Variants in TOM1L2 observed in about 807,000 individuals in gnomAD.
TOM1L2 encodes TOM1-like protein 2.
A neutral mutation model predicts 67.9 loss-of-function variants in TOM1L2; 31 were observed. That is an observed-to-expected ratio of 0.46 (90% CI 0.34 to 0.62). The LOEUF (loss-of-function observed/expected upper bound fraction) is 0.62, where lower values mean the gene tolerates loss of function less well. TOM1L2 is among the 20% of genes least tolerant of loss of function. The pLI is 0.01. For missense variants in TOM1L2, 606 were observed against 663.5 expected (o/e 0.91, Z 0.95); for synonymous variants, 256 against 254.0 (o/e 1.01, Z -0.07).
At chr17:17,899,284 G>A (rs1001441452) in intron 2 of TOM1L2, among the ~76,000 whole-genome samples, 8 of 152,154 alleles carry the variant, frequency 5.3e-5, no homozygotes, top group African/African-American at 1.4e-4. Flanking sequence ...CTGGATGCCC[G>A]GCTCTTCCTG....
Position 17,929,284 on chromosome 17 carries a change from G to A in TOM1L2, c.53-21753C>T, listed in dbSNP as rs192270195. Reference sequence around the variant, plus strand: ...GTCTGAATGTTTCTCCATCTCTTCTGCTTAGAGCTGCTTTGAGCAGCAGGC... The same window carrying A: ...GTCTGAATGTTTCTCCATCTCTTCTACTTAGAGCTGCTTTGAGCAGCAGGC... On this transcript the variant is annotated intron_variant, in intron 1 of 14. Transcript: ENST00000379504. 1.0e-3 allele frequency among the ~76,000 whole-genome samples: 154 copies of A among 152,296 alleles called. 1 individual carries two copies. The highest frequency in any genetic ancestry group is 3.5e-3 in the African/African-American group (144 of 41,570).
At chr17:17,883,268 T>C (rs554374172) in intron 5 of TOM1L2, among the ~76,000 whole-genome samples, 22 of 152,396 alleles carry the variant, frequency 1.4e-4, no homozygotes, top group Admixed American at 1.0e-3. Flanking sequence ...TTTTGGTCTT[T>C]ACAAGTAGAC....
chr17:17,917,831 T>A (rs1034567853), intron 1 of TOM1L2, among the ~76,000 whole-genome samples: 6 of 151,948 alleles, frequency 3.9e-5, no homozygotes, highest in African/African-American at 1.5e-4. Flanking sequence ...GGCTTACACC[T>A]GTCATTTCAT....
At chr17:17,885,924 CAAAAA>C (rs35579807) in intron 4 of TOM1L2, among the ~76,000 whole-genome samples, 2 of 66,242 alleles carry the variant, frequency 3.0e-5, no homozygotes, top group Admixed American at 1.8e-4. Flanking sequence ...GACTCCGTCT[CAAAAA>C]AAAAAAAAAA....
intron 1 of TOM1L2, among the ~76,000 whole-genome samples, chr17:17,926,089 T>A (rs71367425): frequency 0.029 from 4,383 of 151,552 alleles, 108 homozygotes; most frequent in Non-Finnish European, 0.046. Context: ...GAGGATCACT[T>A]GAGCACAGGA....
At chr17:17,919,955 A>G (rs1308670403) in intron 1 of TOM1L2, among the ~76,000 whole-genome samples, 3 of 152,274 alleles carry the variant, frequency 2.0e-5, no homozygotes, top group East Asian at 1.9e-4. Flanking sequence ...GGAGGTAGCA[A>G]TACTGCCAAC....
At chr17:17,966,399 A>T (rs562626631) in intron 1 of TOM1L2, among the ~76,000 whole-genome samples, 1 of 152,346 alleles carries the variant, frequency 6.6e-6, no homozygotes, top group Non-Finnish European at 1.5e-5. Context: ...TAATGTTTGA[A>T]GAAAGATAAA....
At chr17:17,862,477 C>A in intron 11 of TOM1L2, 1 of 408,626 alleles carries the variant, frequency 2.4e-6, no homozygotes, top group Non-Finnish European at 4.4e-6. Flanking sequence ...TCTCTTACAA[C>A]TGACAGGAGA....
At chr17:17,850,796 G>T in intron 13 of TOM1L2, 97 bp downstream of exon 13, 1 of 1,321,494 alleles carries the variant, frequency 7.6e-7, no homozygotes, top group South Asian at 1.2e-5. Flanking sequence ...GACCCAGACA[G>T]GGGTGGAGCC....
At chr17:17,893,412 C>T (rs576048505) in intron 4 of TOM1L2, among the ~76,000 whole-genome samples, 2 of 152,334 alleles carry the variant, frequency 1.3e-5, no homozygotes, top group Admixed American at 1.3e-4. Flanking sequence ...CCCTACCTGC[C>T]TTTGTGAGCA....
intron 1 of TOM1L2, among the ~76,000 whole-genome samples, chr17:17,966,627 A>C (rs774127424): frequency 7.9e-5 from 12 of 152,216 alleles, no homozygotes; most frequent in Non-Finnish European, 1.8e-4. Context: ...AAAAAGTAAC[A>C]TAAATGGCAG....
At chr17:17,949,309 C>T (rs114741730) in intron 1 of TOM1L2, among the ~76,000 whole-genome samples, 7 of 152,262 alleles carry the variant, frequency 4.6e-5, no homozygotes, top group Admixed American at 1.3e-4. Context: ...ACATCTAGCA[C>T]GGCAGAGCAT....
At chr17:17,851,160 T>C (rs1364797355) in intron 12 of TOM1L2, 4 of 581,920 alleles carry the variant, frequency 6.9e-6, no homozygotes, top group South Asian at 2.0e-5. Context: ...GAGGTGCAAA[T>C]GATAAGAAGC....
At chr17:17,850,853 C>A (rs760343103) in intron 13 of TOM1L2, 40 bp downstream of exon 13, 45 of 1,609,938 alleles carry the variant, frequency 2.8e-5, no homozygotes, top group Non-Finnish European at 3.5e-5. Flanking sequence ...GCCTCTGCCG[C>A]TCCACACCCC....
chr17:17,951,230 G>A (rs1305495874), intron 1 of TOM1L2, among the ~76,000 whole-genome samples: 5 of 152,088 alleles, frequency 3.3e-5, no homozygotes, highest in Admixed American at 6.6e-5. Context: ...CAGTTCCCTC[G>A]CCCACCCAGC....
chr17:17,879,281 G>A (rs996882742), intron 7 of TOM1L2, among the ~76,000 whole-genome samples: 2 of 152,164 alleles, frequency 1.3e-5, no homozygotes, highest in African/African-American at 4.8e-5. Context: ...AAGTCAGAAA[G>A]AAAATACATC....
chr17:17,893,642 G>A lies in TOM1L2; in HGVS notation c.366+19C>T. ...CATCTTACTCTGTTCCAACAAATTGGGCAAGGGGTCCAACCTACCTGGATC... is the reference window on the plus strand; with the variant it reads ...CATCTTACTCTGTTCCAACAAATTGAGCAAGGGGTCCAACCTACCTGGATC... On this transcript the variant is annotated intron_variant, in intron 4 of 14. Transcript: ENST00000379504. 6.2e-7 allele frequency: 1 copy of A among 1,610,044 alleles called. No homozygotes were observed. Among genetic ancestry groups the A allele is most frequent in the East Asian group, 2.2e-5 (1 of 44,690 alleles).
chr17:17,907,573 A>G (rs759908385), intron 1 of TOM1L2, 42 bp from the exon 2 acceptor site: 2 of 1,584,456 alleles, frequency 1.3e-6, no homozygotes, highest in Admixed American at 3.4e-5. Context: ...TTCTCCTGGA[A>G]TAAGTGGGCC....
chr17:17,913,889 T>C (rs1046889013), intron 1 of TOM1L2, among the ~76,000 whole-genome samples: 3 of 152,224 alleles, frequency 2.0e-5, no homozygotes, highest in Non-Finnish European at 4.4e-5. Flanking sequence ...GTATCCCTTG[T>C]AGCCCTACCA....
Sources: allele counts gnomAD v4.1 joint callset (sites outside exome capture counted in the v4.1 genomes callset), GRCh38; gene constraint gnomAD v4.1.1; transcripts MANE v1.5; gene names NCBI Gene and HGNC (gene_info 2026-07-23, HGNC 2026-07-21).